ADAMTSL1: variants seen among roughly 807,000 people sequenced by gnomAD.
The protein encoded by ADAMTSL1 is ADAMTS like 1, also known as ADAMTS-like protein 1.
A neutral mutation model predicts 201.8 loss-of-function variants in ADAMTSL1; 126 were observed. The observed-to-expected ratio is 0.62, with a 90% CI of 0.54 to 0.72. The LOEUF (loss-of-function observed/expected upper bound fraction) is 0.72. ADAMTSL1 is among the 30% of genes least tolerant of loss of function. The probability of loss-of-function intolerance (pLI) is 0.00; values close to 1 mark genes in which losing one functional copy is unlikely to be tolerated. For missense variants in ADAMTSL1, 2,679 were observed against 2,277.8 expected (o/e 1.18, Z -3.59); for synonymous variants, 1,121 against 903.4 (o/e 1.24, Z -4.32).
At chr9:18,653,632 A>C (rs936953662) in intron 7 of ADAMTSL1, among the ~76,000 whole-genome samples, 3 of 152,084 alleles carry the variant, frequency 2.0e-5, no homozygotes, top group Admixed American at 6.5e-5. Context: ...AAAAAAAAAA[A>C]AAAACTCTGA....
At chr9:18,138,117 G>C (rs534191830) in intron 1 of ADAMTSL1, among the ~76,000 whole-genome samples, 2 of 152,222 alleles carry the variant, frequency 1.3e-5, no homozygotes, top group Non-Finnish European at 2.9e-5. Flanking sequence ...TAAACCTCCT[G>C]AGACTCGTTT....
At chr9:18,440,346 A>C (rs1451927358) in intron 2 of ADAMTSL1, among the ~76,000 whole-genome samples, 1 of 152,144 alleles carries the variant, frequency 6.6e-6, no homozygotes, top group Non-Finnish European at 1.5e-5. Context: ...AATCACTAGT[A>C]CAGTTTAAAA....
intron 1 of ADAMTSL1, among the ~76,000 whole-genome samples, chr9:17,926,782 G>C (rs1169700174): frequency 6.6e-6 from 1 of 152,140 alleles, no homozygotes; most frequent in Non-Finnish European, 1.5e-5. Flanking sequence ...GTGTGGTCTA[G>C]ATGTTTAAGT....
intron 2 of ADAMTSL1, among the ~76,000 whole-genome samples, chr9:18,291,152 G>T (rs34733971): frequency 2.2e-5 from 1 of 45,440 alleles, no homozygotes; most frequent in Non-Finnish European, 5.6e-5. Flanking sequence ...GGATATGTAG[G>T]TAAGCTGAGG....
chr9:18,614,747 C>G (rs554010086), intron 4 of ADAMTSL1, among the ~76,000 whole-genome samples: 1 of 152,108 alleles, frequency 6.6e-6, no homozygotes, highest in Admixed American at 6.6e-5. Flanking sequence ...TAACAGCCAG[C>G]GTAATGCCTT....
At chr9:18,747,461 T>C (rs1819214218) in intron 15 of ADAMTSL1, among the ~76,000 whole-genome samples, 3 of 152,018 alleles carry the variant, frequency 2.0e-5, no homozygotes, top group African/African-American at 7.2e-5. Flanking sequence ...GGTGCCTTTA[T>C]GTCCATGTCA....
chr9:18,664,685 G>C (rs907094220), intron 9 of ADAMTSL1, among the ~76,000 whole-genome samples: 1 of 152,040 alleles, frequency 6.6e-6, no homozygotes, highest in Non-Finnish European at 1.5e-5. Context: ...GTCCCAGTTA[G>C]ACAGCCAACT....
In ADAMTSL1 at chr9:18,120,380, TTCA is replaced by T. The variant is rs1242691670; in HGVS notation, c.88-43478_88-43476del. ...ACAGCATCTGTTTTGCTCAAATCTG[TTCA>T]TCACACACCATTCCTGGTACAATAC... On this transcript the variant is annotated intron_variant, in intron 1 of 29. Coordinates refer to the ADAMTSL1 transcript ENST00000680146. Among the ~76,000 whole-genome samples the T allele has an allele frequency of 2.6e-5, 4 of 152,250 alleles. No individual in the cohort carries two copies. In the South Asian group the frequency reaches 8.3e-4, roughly 32 times the overall value.
intron 1 of ADAMTSL1, among the ~76,000 whole-genome samples, chr9:17,998,513 C>G (rs1819478272): frequency 6.6e-6 from 1 of 151,940 alleles, no homozygotes; most frequent in Non-Finnish European, 1.5e-5. Flanking sequence ...ATTGAGTAGT[C>G]TTGCTTGAAA....
In ADAMTSL1 at chr9:18,314,241, T is replaced by A. The variant is rs574729467; in HGVS notation, c.207+150260T>A. Among the ~76,000 whole-genome samples, 6 of 152,260 alleles carry A rather than the reference T, an allele frequency of 3.9e-5. No homozygotes were observed. In the East Asian group the frequency reaches 9.6e-4, roughly 24 times the overall value. On this transcript the variant is annotated intron_variant, in intron 2 of 29. Coordinates refer to the ADAMTSL1 transcript ENST00000680146. ...CTGGTTTGTACACTGCTGAAGGGAA[T>A]GTAAATTAGTTCAGCCAATATGGAA...
intron 4 of ADAMTSL1, among the ~76,000 whole-genome samples, chr9:18,590,528 A>G (rs114668471): frequency 6.6e-6 from 1 of 151,742 alleles, no homozygotes; most frequent in Non-Finnish European, 1.5e-5. Flanking sequence ...TTCTGCTCAC[A>G]TCTTCAGTAT....
At chr9:18,242,245 A>G (rs1382836053) in intron 2 of ADAMTSL1, among the ~76,000 whole-genome samples, 1 of 152,184 alleles carries the variant, frequency 6.6e-6, no homozygotes, top group Non-Finnish European at 1.5e-5. Flanking sequence ...TGTTAACTGA[A>G]TGAGAGATTA....
intron 2 of ADAMTSL1, among the ~76,000 whole-genome samples, chr9:18,518,607 CAT>C (rs1249886652): frequency 3.3e-5 from 5 of 152,110 alleles, no homozygotes; most frequent in Non-Finnish European, 5.9e-5. Context: ...CTGCAATAAA[CAT>C]ATGAATGCAG....
rs543509584 is a variant in ADAMTSL1, at chr9:18,628,291, A to AT, written c.601+5930dup. On this transcript the variant is annotated intron_variant, in intron 5 of 28. Transcript: ENST00000380548. ...GGTGTAAGTTTGATAGGTAGCTTGA[A>AT]TTTTTTTTCGTATAGACGCCCAATT... Among the ~76,000 whole-genome samples the AT allele has an allele frequency of 1.2e-4, 18 of 152,016 alleles. No individual in the cohort carries two copies. The South Asian group carries it at 3.1e-3, about 26-fold the overall frequency.
chr9:18,137,088 T>C (rs773723049), intron 1 of ADAMTSL1, among the ~76,000 whole-genome samples: 1 of 152,118 alleles, frequency 6.6e-6, no homozygotes, highest in African/African-American at 2.4e-5. Flanking sequence ...TGGACAGTTG[T>C]GAAAGATGAG....
chr9:18,604,776 A>C (rs1824903767), intron 4 of ADAMTSL1, among the ~76,000 whole-genome samples: 1 of 152,148 alleles, frequency 6.6e-6, no homozygotes, highest in African/African-American at 2.4e-5. Flanking sequence ...AGATAGGCGC[A>C]AAAGTAGCAT....
intron 2 of ADAMTSL1, among the ~76,000 whole-genome samples, chr9:18,529,875 A>C: frequency 6.6e-6 from 1 of 152,168 alleles, no homozygotes; most frequent in East Asian, 1.9e-4. Flanking sequence ...CAACTACAGG[A>C]TATTCTTTGG....
At chr9:18,638,694 A>C (rs10963694) in intron 6 of ADAMTSL1, among the ~76,000 whole-genome samples, 5 of 151,966 alleles carry the variant, frequency 3.3e-5, no homozygotes, top group African/African-American at 1.2e-4. Context: ...TTTAAAAAGA[A>C]AATACTGAAA....
chr9:18,033,175 A>G (rs1821048477), intron 1 of ADAMTSL1, among the ~76,000 whole-genome samples: 1 of 152,214 alleles, frequency 6.6e-6, no homozygotes, highest in African/African-American at 2.4e-5. Context: ...GTCGCTATCA[A>G]GGATAATTAT....
Sources: allele counts gnomAD v4.1 joint callset (sites outside exome capture counted in the v4.1 genomes callset), GRCh38; gene constraint gnomAD v4.1.1; transcripts MANE v1.5; gene names NCBI Gene and HGNC (gene_info 2026-07-23, HGNC 2026-07-21).